Variants in MGAT4C observed in about 807,000 individuals in gnomAD.
MGAT4C encodes the protein MGAT4 family member C, also known as alpha-1,3-mannosyl-glycoprotein 4-beta-N-acetylglucosaminyltransferase C.
MGAT4C carries 19 observed loss-of-function variants against 40.1 expected under a neutral mutation model. That is an observed-to-expected ratio of 0.47 (90% CI 0.33 to 0.70). MGAT4C has a LOEUF of 0.70. MGAT4C is among the 30% of genes least tolerant of loss of function. The pLI is 0.02. For missense variants in MGAT4C, 491 were observed against 563.2 expected (o/e 0.87, Z 1.30); for synonymous variants, 181 against 187.1 (o/e 0.97, Z 0.27).
At chr12:86,786,254 T>C (rs753918927) in intron 1 of MGAT4C, among the ~76,000 whole-genome samples, 2 of 152,090 alleles carry the variant, frequency 1.3e-5, no homozygotes, top group African/African-American at 4.8e-5. Flanking sequence ...ACACAGATAA[T>C]GTTGGTTGTA....
chr12:86,704,243 A>T (rs553223259), intron 2 of MGAT4C, among the ~76,000 whole-genome samples: 1 of 152,230 alleles, frequency 6.6e-6, no homozygotes, highest in East Asian at 1.9e-4. Context: ...CTTGGAAGAA[A>T]AAAGTTACTC....
At chr12:86,348,788 G>T (rs557862742) in intron 3 of MGAT4C, among the ~76,000 whole-genome samples, 3 of 152,194 alleles carry the variant, frequency 2.0e-5, no homozygotes, top group African/African-American at 7.2e-5. Context: ...ATATTACAAT[G>T]ATGTGTATTT....
intron 1 of MGAT4C, among the ~76,000 whole-genome samples, chr12:86,060,822 C>G (rs888831268): frequency 6.6e-6 from 1 of 151,892 alleles, no homozygotes; most frequent in African/African-American, 2.4e-5. Flanking sequence ...TAAGAAAACC[C>G]CGTGGTGGGC....
intron 2 of MGAT4C, among the ~76,000 whole-genome samples, chr12:86,537,718 C>G (rs1959098932): frequency 1.3e-5 from 2 of 152,032 alleles, no homozygotes; most frequent in South Asian, 2.1e-4. Context: ...CTATTTTATT[C>G]TTGACATTGA....
intron 1 of MGAT4C, among the ~76,000 whole-genome samples, chr12:86,186,034 T>C (rs544837180): frequency 3.9e-5 from 6 of 152,128 alleles, no homozygotes; most frequent in East Asian, 1.9e-4. Flanking sequence ...TCAACCTAGA[T>C]GATTTGAAAA....
intron 1 of MGAT4C, among the ~76,000 whole-genome samples, chr12:86,729,727 C>A (rs1449450503): frequency 6.6e-6 from 1 of 151,938 alleles, no homozygotes; most frequent in Non-Finnish European, 1.5e-5. Context: ...ATTCTCATAA[C>A]AAAAGCCCTG....
intron 2 of MGAT4C, among the ~76,000 whole-genome samples, chr12:86,023,633 A>G (rs1889983110): frequency 6.7e-6 from 1 of 148,992 alleles, no homozygotes; most frequent in Non-Finnish European, 1.5e-5. Flanking sequence ...TTTTACAAAT[A>G]TTTATTATTA....
chr12:86,353,113 T>C (rs574158846), intron 3 of MGAT4C, among the ~76,000 whole-genome samples: 3 of 151,832 alleles, frequency 2.0e-5, no homozygotes, highest in South Asian at 2.1e-4. Flanking sequence ...ACTGTTTCCA[T>C]TGAGCTATCA....
At chr12:86,263,179 A>G (rs1178312535) in intron 4 of MGAT4C, among the ~76,000 whole-genome samples, 1 of 152,082 alleles carries the variant, frequency 6.6e-6, no homozygotes, top group Non-Finnish European at 1.5e-5. Context: ...CAAATATTCT[A>G]AATTTTTATT....
chr12:86,333,421 C>T (rs1954715987), intron 4 of MGAT4C, among the ~76,000 whole-genome samples: 1 of 152,152 alleles, frequency 6.6e-6, no homozygotes, highest in Non-Finnish European at 1.5e-5. Flanking sequence ...GCCTCTTGCT[C>T]TTTTACTTTT....
At chr12:86,670,587 C>T (rs1001959788) in intron 2 of MGAT4C, among the ~76,000 whole-genome samples, 4 of 151,988 alleles carry the variant, frequency 2.6e-5, no homozygotes, top group African/African-American at 9.7e-5. Flanking sequence ...ATTATATACA[C>T]CACCAATCCT....
At position 85,962,483 on chromosome 12, in the gene MGAT4C, CT is replaced by C. The variant is rs1183238647; in HGVS notation, c.*16805del. ...ATTAACAATAATTGAACATTGTTTACTTTTTTATCCTCACAACAATTCAACA... is the reference window on the plus strand; with the variant it reads ...ATTAACAATAATTGAACATTGTTTACTTTTTATCCTCACAACAATTCAACA... On this transcript the variant is annotated 3_prime_UTR_variant, in exon 5 of 5. Transcript: ENST00000611864. The C allele has an allele frequency of 9.5e-5, 14 of 147,722 alleles. No homozygotes were observed. In the East Asian group the frequency reaches 2.4e-3, roughly 25 times the overall value. 9.2% of individuals were successfully genotyped at this position (147,722 alleles called of 1,614,324 possible).
At chr12:86,806,104 T>TA (rs936682668) in intron 1 of MGAT4C, among the ~76,000 whole-genome samples, 98 of 150,746 alleles carry the variant, frequency 6.5e-4, no homozygotes, top group Non-Finnish European at 1.3e-3. Flanking sequence ...ATTATTTTTG[T>TA]AAAAAAAAAC....
chr12:86,454,961 A>G (rs1957487346), intron 2 of MGAT4C, among the ~76,000 whole-genome samples: 2 of 152,120 alleles, frequency 1.3e-5, no homozygotes, highest in African/African-American at 4.8e-5. Context: ...TACTAGATGA[A>G]TTAATAATGC....
chr12:86,455,284 G>A (rs1957491079), intron 2 of MGAT4C, among the ~76,000 whole-genome samples: 1 of 151,972 alleles, frequency 6.6e-6, no homozygotes, highest in Non-Finnish European at 1.5e-5. Flanking sequence ...TTTCCAAAAG[G>A]CAATGGGTGT....
chr12:86,211,905 T>C (rs1257846544), intron 1 of MGAT4C, among the ~76,000 whole-genome samples: 2 of 152,192 alleles, frequency 1.3e-5, no homozygotes, highest in African/African-American at 4.8e-5. Flanking sequence ...TCATTTCAGA[T>C]ATTATCTTTT....
chr12:86,313,148 T>C (rs1954120860), intron 4 of MGAT4C, among the ~76,000 whole-genome samples: 1 of 151,862 alleles, frequency 6.6e-6, no homozygotes, highest in African/African-American at 2.4e-5. Flanking sequence ...AAAGACAGTA[T>C]TTTTTTTAAA....
At chr12:86,574,132 T>C (rs946644059) in intron 2 of MGAT4C, among the ~76,000 whole-genome samples, 1 of 151,808 alleles carries the variant, frequency 6.6e-6, no homozygotes, top group Non-Finnish European at 1.5e-5. Flanking sequence ...CCATTTTCTT[T>C]CTTTCTTTTC....
chr12:86,806,831 G>A (rs1302322875), intron 1 of MGAT4C, among the ~76,000 whole-genome samples: 2 of 151,782 alleles, frequency 1.3e-5, no homozygotes, highest in Non-Finnish European at 2.9e-5. Context: ...ACAGGAAGGA[G>A]AACATCACAC....
Sources: allele counts gnomAD v4.1 joint callset (sites outside exome capture counted in the v4.1 genomes callset), GRCh38; gene constraint gnomAD v4.1.1; transcripts MANE v1.5; gene names NCBI Gene and HGNC (gene_info 2026-07-23, HGNC 2026-07-21).